Variants in MATR3 observed in about 807,000 individuals in gnomAD.
MATR3 encodes the protein matrin 3, also known as matrin-3.
A neutral mutation model predicts 85.5 loss-of-function variants in MATR3; 4 were observed. The ratio of observed to expected loss-of-function variants is 0.05; its 90% CI spans 0.02 to 0.11. The LOEUF is 0.11. MATR3 is among the 10% of genes least tolerant of loss of function. The probability of loss-of-function intolerance (pLI) is 1.00; values close to 1 mark genes in which losing one functional copy is unlikely to be tolerated. For missense variants in MATR3, 685 were observed against 1,016.1 expected (o/e 0.67, Z 4.43); for synonymous variants, 336 against 343.1 (o/e 0.98, Z 0.23).
chr5:139,311,497 G>A (rs1001570813), intron 2 of MATR3: 2 of 152,066 alleles, frequency 1.3e-5, no homozygotes, highest in Non-Finnish European at 2.9e-5. Context: ...TTGATTTTTT[G>A]ATCTTGGCCT....
At position 139,317,135 on chromosome 5, in the gene MATR3, A is replaced by G. The variant is rs201496225; in HGVS notation, c.1182+30A>G. ...GTAATGAAGCTTTTGGTTTTACTGT[A>G]TTTATGATTTTTGGGAATATGATTT... On this transcript the variant is annotated intron_variant, in intron 6 of 14. Transcript: ENST00000394805. The G allele has an allele frequency of 8.4e-5, 135 of 1,602,358 alleles. No individual in the cohort carries two copies. In the Middle Eastern group the frequency reaches 1.0e-3, roughly 12 times the overall value.
chr5:139,327,772 CTATA>C (rs749919007), intron 14 of MATR3, among the ~76,000 whole-genome samples: 4 of 152,002 alleles, frequency 2.6e-5, no homozygotes, highest in African/African-American at 9.7e-5. Flanking sequence ...GGGTCAAAAA[CTATA>C]TGTATTGTCG....
At chr5:139,306,275 G>A (rs1362332139) in intron 1 of MATR3, among the ~76,000 whole-genome samples, 10 of 152,050 alleles carry the variant, frequency 6.6e-5, no homozygotes, top group Non-Finnish European at 1.5e-4. Flanking sequence ...ACGTCTTGGG[G>A]GATCATAATC....
intron 2 of MATR3, chr5:139,313,455 C>G (rs1377609084): frequency 6.6e-6 from 1 of 150,994 alleles, no homozygotes; most frequent in East Asian, 2.0e-4. Context: ...ATTTAAATAA[C>G]ACGGACCAAA....
chr5:139,312,200 G>A (rs1755022055), intron 2 of MATR3: 1 of 152,186 alleles, frequency 6.6e-6, no homozygotes, highest in Non-Finnish European at 1.5e-5. Flanking sequence ...GCGCTTAGGT[G>A]TTCGCAGCTC....
At position 139,331,094 on chromosome 5, in the gene MATR3, A is replaced by G. The variant is rs1332364557; in HGVS notation, c.*1699A>G. The G allele has an allele frequency of 6.6e-6, 3 of 454,066 alleles. No homozygotes were observed. The highest frequency in any genetic ancestry group is 3.1e-5 in the South Asian group (2 of 64,478). The allele number at this position is 454,066 out of a possible 1,614,324, so 28.1% of individuals were successfully genotyped here. A position where few individuals can be genotyped will look rare whatever the true frequency, so the allele number is the denominator to read the frequency against. On this transcript the variant is annotated 3_prime_UTR_variant, in exon 15 of 15. Coordinates refer to ENST00000394805, the MANE Select transcript of MATR3 (RefSeq NM_018834.6). ...GCATGAGCCACCATCCCTGGCCAAG[A>G]AACAAAGTTTTAATTTCAAAAAAAT...
chr5:139,321,498 T>A (rs1164467236), intron 9 of MATR3, among the ~76,000 whole-genome samples: 1 of 152,146 alleles, frequency 6.6e-6, no homozygotes, highest in Non-Finnish European at 1.5e-5. Flanking sequence ...GATTAAAATT[T>A]TTAGCCGGGT....
At chr5:139,300,847 C>T (rs573980035) in intron 1 of MATR3, among the ~76,000 whole-genome samples, 5 of 151,238 alleles carry the variant, frequency 3.3e-5, no homozygotes, top group South Asian at 4.2e-4. Context: ...GAGTTTTGCT[C>T]TTGTTGCCCA....
intron 14 of MATR3, 126 bp downstream of exon 14, chr5:139,326,410 A>C: frequency 1.2e-6 from 1 of 844,480 alleles, no homozygotes; most frequent in Non-Finnish European, 1.8e-6. Flanking sequence ...CCTGAAGATA[A>C]CTTTTTATTT....
At position 139,317,736 on chromosome 5, in the gene MATR3, A is replaced by G. The variant is rs768056984; in HGVS notation, c.1308+15A>G. ...AAATTAATGAGGTATGAATTGAAATATTGGTATTATTCATTTATTCATGCC... is the reference window on the plus strand; with the variant it reads ...AAATTAATGAGGTATGAATTGAAATGTTGGTATTATTCATTTATTCATGCC... On this transcript the variant is annotated intron_variant, in intron 7 of 14. Coordinates refer to ENST00000394805, the MANE Select transcript of MATR3 (RefSeq NM_018834.6). The G allele has an allele frequency of 3.9e-6, 6 of 1,556,720 alleles. No homozygotes were observed. In the South Asian group the frequency reaches 6.8e-5, roughly 18 times the overall value.
At chr5:139,283,074 C>G (rs1469180225) in intron 3 of MATR3, 1 of 152,248 alleles carries the variant, frequency 6.6e-6, no homozygotes, top group Non-Finnish European at 1.5e-5. Context: ...AGTGGTTGAG[C>G]CTGTTGTCTT....
intron 2 of MATR3, 24 bp downstream of exon 2, chr5:139,308,351 C>G (rs894410822): frequency 1.2e-6 from 2 of 1,613,576 alleles, no homozygotes; most frequent in Non-Finnish European, 1.7e-6. Flanking sequence ...ACAGATGCTT[C>G]TAATTTCTTT....
intron 12 of MATR3, among the ~76,000 whole-genome samples, chr5:139,324,290 G>GC (rs1554149177): frequency 2.8e-5 from 3 of 107,720 alleles, no homozygotes; most frequent in Non-Finnish European, 1.8e-5. Context: ...GAGCATGATT[G>GC]TTTTTTTTTT....
chr5:139,281,356 G>GTTTTTTTTTT (rs1371325133), intron 3 of MATR3, among the ~76,000 whole-genome samples: 5 of 101,068 alleles, frequency 4.9e-5, no homozygotes, highest in Admixed American at 1.1e-4. Flanking sequence ...TTTTTTTTTT[G>GTTTTTTTTTT]TTTTTTTTTT....
At chr5:139,285,287 A>G (rs900466752) in intron 3 of MATR3, 2 of 152,224 alleles carry the variant, frequency 1.3e-5, no homozygotes. Context: ...CTCTTGCTGT[A>G]GTGTGCAGTG....
intron 7 of MATR3, among the ~76,000 whole-genome samples, chr5:139,318,095 A>G (rs1386756725): frequency 6.6e-6 from 1 of 152,194 alleles, no homozygotes; most frequent in Non-Finnish European, 1.5e-5. Context: ...GGCCTTTGTA[A>G]TAAAATAGCA....
rs2151990959 is a variant in MATR3 at position 139,317,661 on chromosome 5, A to G, written c.1248A>G (p.Leu416=). ...QRGKNLRYQL[L]QLVEPFGVIS... ...GGAAAAACTTGAGATACCAGCTATT[A>G]CAGCTGGTAGAACCATTTGGAGTCA... The change falls in exon 7 of 15, where the codon TTA becomes TTG. Residue 416 remains leucine, a synonymous_variant. Coordinates refer to ENST00000394805, the MANE Select transcript of MATR3 (RefSeq NM_018834.6). 6.2e-7 allele frequency: 1 copy of G among 1,611,604 alleles called. No homozygotes were observed. The highest frequency in any genetic ancestry group is 2.2e-5 in the East Asian group (1 of 44,784).
chr5:139,305,350 G>A (rs1000845236), intron 1 of MATR3, among the ~76,000 whole-genome samples: 3 of 151,912 alleles, frequency 2.0e-5, no homozygotes, highest in East Asian at 3.9e-4. Flanking sequence ...AAATATGGCC[G>A]TTTTAAAAAT....
intron 2 of MATR3, among the ~76,000 whole-genome samples, chr5:139,276,929 G>A (rs991009204): frequency 2.6e-5 from 4 of 152,030 alleles, no homozygotes; most frequent in Admixed American, 6.6e-5. Flanking sequence ...TGATTGAGGG[G>A]GCTCTGGGAA....
Sources: gnomAD v4.1 joint callset for allele counts (sites outside exome capture counted in the v4.1 genomes callset) on GRCh38, gnomAD v4.1.1 for gene constraint, MANE v1.5 for transcripts, NCBI Gene and HGNC (gene_info 2026-07-23, HGNC 2026-07-21) for gene names.